Variants in PPM1E observed in about 807,000 individuals in gnomAD.
PPM1E encodes the protein protein phosphatase, Mg2+/Mn2+ dependent 1E.
PPM1E carries 20 observed loss-of-function variants against 65.9 expected under a neutral mutation model. The ratio of observed to expected loss-of-function variants is 0.30; its 90% CI spans 0.21 to 0.44. The LOEUF (loss-of-function observed/expected upper bound fraction) is 0.44. PPM1E is among the 20% of genes least tolerant of loss of function. The pLI is 1.00. For synonymous variants in PPM1E, 352 were observed against 374.9 expected (o/e 0.94, Z 0.70); for missense variants, 713 against 953.1 (o/e 0.75, Z 3.32).
chr17:58,922,437 A>G (rs2051764642), intron 1 of PPM1E, among the ~76,000 whole-genome samples: 1 of 151,718 alleles, frequency 6.6e-6, no homozygotes, highest in Non-Finnish European at 1.5e-5. Flanking sequence ...ATTTTTTTGT[A>G]GAGATGGGAT....
At chr17:58,960,466 T>A (rs1256942541) in intron 2 of PPM1E, among the ~76,000 whole-genome samples, 1 of 152,160 alleles carries the variant, frequency 6.6e-6, no homozygotes, top group Non-Finnish European at 1.5e-5. Context: ...TGTTTGCTAG[T>A]TTTAAATAAC....
At chr17:58,774,159 T>G (rs183670780) in intron 1 of PPM1E, among the ~76,000 whole-genome samples, 56 of 133,830 alleles carry the variant, frequency 4.2e-4, no homozygotes, top group African/African-American at 1.5e-3. Flanking sequence ...GGAAACTCTG[T>G]CCCCCCCCCC....
intron 1 of PPM1E, among the ~76,000 whole-genome samples, chr17:58,857,107 G>A (rs1301593323): frequency 6.6e-6 from 1 of 152,122 alleles, no homozygotes; most frequent in African/African-American, 2.4e-5. Context: ...TTGAAAATAA[G>A]TTAAATACAC....
intron 1 of PPM1E, among the ~76,000 whole-genome samples, chr17:58,837,018 T>A (rs1598602110): frequency 5.8e-5 from 5 of 86,466 alleles, no homozygotes; most frequent in African/African-American, 1.4e-4. Flanking sequence ...AAACTCCGTC[T>A]CAAAAAAAAA....
chr17:58,852,088 G>A lies in PPM1E; in HGVS notation c.464+95627G>A, dbSNP rs62083403. ...GTGGGACCCTCCAAGCCAGGCATGG[G>A]ATATAATCTCCTGGTGTGCTGTTTG... On this transcript the variant is annotated intron_variant, in intron 1 of 6. Transcript: ENST00000308249. 6.4e-3 allele frequency among the ~76,000 whole-genome samples: 969 copies of A among 152,316 alleles called. 5 individuals are homozygous for A. Among genetic ancestry groups the A allele is most frequent in the Non-Finnish European group, 0.011 (747 of 68,022 alleles).
chr17:58,942,005 C>CA (rs1173378193), intron 1 of PPM1E, among the ~76,000 whole-genome samples: 5,723 of 67,554 alleles, frequency 0.085, 362 homozygotes, highest in African/African-American at 0.21. Flanking sequence ...GACTTCGTCT[C>CA]AAAAAAAAAA....
intron 1 of PPM1E, among the ~76,000 whole-genome samples, chr17:58,820,990 A>T (rs182702898): frequency 3.4e-4 from 52 of 152,226 alleles, no homozygotes; most frequent in African/African-American, 1.2e-3. Flanking sequence ...CTTAATTCCA[A>T]TTATAATGTA....
Position 58,980,668 on chromosome 17 carries a change from AG to A in PPM1E, c.1909del (p.Glu637SerfsTer64). 1 of 1,614,222 alleles carries A rather than the reference AG, an allele frequency of 6.2e-7. No homozygotes were observed. The highest frequency in any genetic ancestry group is 8.5e-7 in the Non-Finnish European group (1 of 1,180,032). On this transcript the variant is annotated frameshift_variant, in exon 7 of 7. Coordinates refer to ENST00000308249, the MANE Select transcript of PPM1E (RefSeq NM_014906.5). LOFTEE classifies it high-confidence loss of function. This position sits in a 1 kb window ranked among gnomAD's most constrained non-coding sequence, Gnocchi z 4.7. ...FPTAFNLGST[G>X]EQIYRMQSLS... ...CCACTGCTTTCAATTTGGGTTCAAC[AG>A]GGGAGCAGATATACAGAATGCAGAG...
chr17:58,964,358 G>A (rs1027584933), intron 2 of PPM1E, among the ~76,000 whole-genome samples: 2 of 152,140 alleles, frequency 1.3e-5, no homozygotes, highest in Non-Finnish European at 2.9e-5. Context: ...AGGGCAACTT[G>A]AGTGGAGGGT....
intron 1 of PPM1E, among the ~76,000 whole-genome samples, chr17:58,797,229 A>G (rs2050215450): frequency 6.6e-6 from 1 of 152,228 alleles, no homozygotes; most frequent in Admixed American, 6.5e-5. Flanking sequence ...TTTAAAAAGT[A>G]AAATTTATAT....
In PPM1E at chr17:58,899,390, G is replaced by C. The variant is rs556476679; in HGVS notation, c.465-56259G>C. On this transcript the variant is annotated intron_variant, in intron 1 of 6. Coordinates refer to ENST00000308249, the MANE Select transcript of PPM1E (RefSeq NM_014906.5). ...AAGAGGCGCTGAAGACCTCCCTCAAGCATGATGACCTATTACATGGAATTT... is the reference window on the plus strand; with the variant it reads ...AAGAGGCGCTGAAGACCTCCCTCAACCATGATGACCTATTACATGGAATTT... 90 of 169,116 alleles carry C rather than the reference G, an allele frequency of 5.3e-4. 1 individual carries two copies. The highest frequency in any genetic ancestry group is 9.4e-4 in the Non-Finnish European group (71 of 75,504). The allele number at this position is 169,116 out of a possible 1,614,324, so 10.5% of individuals were successfully genotyped here. A position where few individuals can be genotyped will look rare whatever the true frequency, so the allele number is the denominator to read the frequency against.
intron 1 of PPM1E, among the ~76,000 whole-genome samples, chr17:58,895,609 C>A (rs1025952693): frequency 2.6e-5 from 4 of 151,628 alleles, no homozygotes; most frequent in African/African-American, 9.7e-5. Context: ...GAGTTTGTGA[C>A]CAGTGCTGGC....
chr17:58,862,246 T>G (rs2050950425), intron 1 of PPM1E, among the ~76,000 whole-genome samples: 2 of 152,214 alleles, frequency 1.3e-5, no homozygotes. Flanking sequence ...CAAAGGAATT[T>G]TAAGAGCCTC....
intron 1 of PPM1E, among the ~76,000 whole-genome samples, chr17:58,787,751 C>CA (rs59120937): frequency 6.6e-6 from 1 of 151,466 alleles, no homozygotes; most frequent in Non-Finnish European, 1.5e-5. Context: ...ACTAAAAATA[C>CA]AAAAAATTAG....
intron 1 of PPM1E, among the ~76,000 whole-genome samples, chr17:58,866,742 A>T (rs2051008686): frequency 2.0e-5 from 3 of 152,182 alleles, no homozygotes. Flanking sequence ...GATAAGGGAG[A>T]GAGAGCAGAT....
chr17:58,924,762 A>C (rs2051803457), intron 1 of PPM1E, among the ~76,000 whole-genome samples: 1 of 107,432 alleles, frequency 9.3e-6, no homozygotes, highest in East Asian at 2.7e-4. Context: ...GGTGTGTGCT[A>C]TTCCCCTCCC....
At chr17:58,949,109 C>G (rs930956085) in intron 1 of PPM1E, among the ~76,000 whole-genome samples, 1 of 152,174 alleles carries the variant, frequency 6.6e-6, no homozygotes, top group Admixed American at 6.5e-5. Flanking sequence ...AAGTCCCCAG[C>G]TGTTATTGTA....
intron 1 of PPM1E, among the ~76,000 whole-genome samples, chr17:58,954,746 C>A (rs1779033829): frequency 6.6e-6 from 1 of 151,956 alleles, no homozygotes; most frequent in Admixed American, 6.6e-5. Context: ...GGCATGGTGA[C>A]ATACACCTGT....
chr17:58,848,226 C>T lies in PPM1E; in HGVS notation c.464+91765C>T, dbSNP rs140756357. 6.5e-3 allele frequency among the ~76,000 whole-genome samples: 987 copies of T among 152,242 alleles called. 6 individuals carry two copies. The highest frequency in any genetic ancestry group is 0.022 in the African/African-American group (926 of 41,534). On this transcript the variant is annotated intron_variant, in intron 1 of 6. Transcript: ENST00000308249. ...CAATCATGTCATCTGCAAACAGGGA[C>T]AATTTGACTTCCTCTTTTCCTAATT...
Sources: allele counts gnomAD v4.1 joint callset (sites outside exome capture counted in the v4.1 genomes callset), GRCh38; gene constraint gnomAD v4.1.1; non-coding constraint Gnocchi (gnomAD v3.1); transcripts MANE v1.5; gene names NCBI Gene and HGNC (gene_info 2026-07-23, HGNC 2026-07-21).